HIGD1C: variants seen among roughly 807,000 people sequenced by gnomAD.
The protein encoded by HIGD1C is HIG1 domain family member 1C.
In HIGD1C, 11 loss-of-function variants were observed where a neutral mutation model predicts 13.1. That is an observed-to-expected ratio of 0.84 (90% confidence interval 0.53 to 1.39). The LOEUF (loss-of-function observed/expected upper bound fraction) is 1.39, where lower values mean the gene tolerates loss of function less well. Among genes scored for constraint, HIGD1C ranks in the 40% most tolerant of loss-of-function variants. The pLI is 0.00. For missense variants in HIGD1C, 110 were observed against 112.0 expected (o/e 0.98, Z 0.08); for synonymous variants, 36 against 37.7 (o/e 0.95, Z 0.17).
intron 1 of HIGD1C, 194 bp downstream of exon 3, chr12:50,954,286 T>C (rs1445915209): frequency 2.2e-6 from 1 of 457,922 alleles, no homozygotes; most frequent in Non-Finnish European, 3.8e-6. Flanking sequence ...TTAGCTGTTA[T>C]TTGAGGCATC....
At chr12:50,964,287 A>C (rs1342706057) in intron 2 of HIGD1C, among the ~76,000 whole-genome samples, 1 of 152,234 alleles carries the variant, frequency 6.6e-6, no homozygotes, top group Non-Finnish European at 1.5e-5. Context: ...TACACATTTC[A>C]TATCCCCTTT....
chr12:50,943,086 G>A, the HIGD1C span, among the ~76,000 whole-genome samples: 1 of 151,372 alleles, frequency 6.6e-6, no homozygotes, highest in Non-Finnish European at 1.5e-5. Flanking sequence ...GGCTGGTCTC[G>A]ATCTCCTGAC....
the HIGD1C span, among the ~76,000 whole-genome samples, chr12:50,936,559 G>T: frequency 6.6e-6 from 1 of 152,218 alleles, no homozygotes; most frequent in African/African-American, 2.4e-5. Flanking sequence ...TTCCCATGCA[G>T]TTTGCCTGAC....
Position 50,960,997 on chromosome 12 carries a change from TG to T in HIGD1C, c.125del (p.Cys42LeufsTer6). The T allele has an allele frequency of 6.2e-7, 1 of 1,604,352 alleles. No homozygotes were observed. The highest frequency in any genetic ancestry group is 8.5e-7 in the Non-Finnish European group (1 of 1,174,578). ...AGCAGGCTTTGTGACTGTGGTGTCCTGTGGTCTTTACAAGCTAAAGTACAGA... is the reference window on the plus strand; with the variant it reads ...AGCAGGCTTTGTGACTGTGGTGTCCTTGGTCTTTACAAGCTAAAGTACAGA... On this transcript the variant is annotated frameshift_variant, in exon 2 of 3. Coordinates refer to ENST00000398455, the Ensembl canonical transcript of HIGD1C. LOFTEE classifies it high-confidence loss of function.
chr12:50,950,689 T>C (rs1166553761), upstream of HIGD1C, among the ~76,000 whole-genome samples: 6 of 145,922 alleles, frequency 4.1e-5, no homozygotes, highest in Non-Finnish European at 9.0e-5. Context: ...TTTTTTTTTT[T>C]TTTTTGAGAT....
intron 1 of HIGD1C, among the ~76,000 whole-genome samples, chr12:50,958,768 G>C (rs535860317): frequency 6.6e-6 from 1 of 150,384 alleles, no homozygotes. Flanking sequence ...TGTAATCCCA[G>C]CACTTCAGGA....
chr12:50,954,109 A>G lies in HIGD1C; in HGVS notation c.94+17A>G. The G allele has an allele frequency of 6.9e-7, 1 of 1,451,282 alleles. No homozygotes were observed. Among genetic ancestry groups the G allele is most frequent in the Non-Finnish European group, 9.6e-7 (1 of 1,037,244 alleles). 89.9% of individuals were successfully genotyped at this position (1,451,282 alleles called of 1,614,324 possible). ...TCCCTATAGGTAAGTACAAGCCTTG[A>G]CTGGATGCAGAAAACTGTAATAACA... On this transcript the variant is annotated intron_variant, in intron 1 of 2. Transcript: ENST00000398455.
chr12:50,964,178 AT>A (rs1411299195), intron 2 of HIGD1C, among the ~76,000 whole-genome samples: 1 of 152,238 alleles, frequency 6.6e-6, no homozygotes, highest in Non-Finnish European at 1.5e-5. Flanking sequence ...ACATAAATGC[AT>A]TCATATCAAA....
At chr12:50,961,217 G>A in intron 2 of HIGD1C, 115 bp downstream of exon 4, 1 of 1,107,132 alleles carries the variant, frequency 9.0e-7, no homozygotes, top group African/African-American at 1.6e-5. Flanking sequence ...TGAGAGAGGG[G>A]TAGGAAAGAC....
At chr12:50,958,393 T>C (rs1939193451) in intron 1 of HIGD1C, among the ~76,000 whole-genome samples, 2 of 151,044 alleles carry the variant, frequency 1.3e-5, no homozygotes, top group African/African-American at 4.9e-5. Flanking sequence ...ACCATTCTCC[T>C]GTCTCAGCCT....
chr12:50,940,240 G>A, the HIGD1C span, among the ~76,000 whole-genome samples: 1 of 152,042 alleles, frequency 6.6e-6, no homozygotes, highest in African/African-American at 2.4e-5. Flanking sequence ...TCTAATCTTG[G>A]CTCCCATCTT....
At chr12:50,968,042 C>A (rs1354827770) in intron 2 of HIGD1C, among the ~76,000 whole-genome samples, 1 of 152,028 alleles carries the variant, frequency 6.6e-6, no homozygotes. Flanking sequence ...GCCTTGCTCA[C>A]GCCACTGCAC....
At chr12:50,962,123 C>A (rs1939352900) in intron 2 of HIGD1C, among the ~76,000 whole-genome samples, 1 of 152,166 alleles carries the variant, frequency 6.6e-6, no homozygotes, top group Non-Finnish European at 1.5e-5. Context: ...CAGTGGCTTG[C>A]ACCTGTGATC....
At chr12:50,966,587 T>C (rs776995386) in intron 2 of HIGD1C, among the ~76,000 whole-genome samples, 1 of 152,228 alleles carries the variant, frequency 6.6e-6, no homozygotes, top group Non-Finnish European at 1.5e-5. Context: ...AAACTGCCCC[T>C]GGTTGAGAAC....
the HIGD1C span, chr12:50,931,445 C>T: frequency 2.0e-5 from 3 of 151,076 alleles, no homozygotes; most frequent in African/African-American, 7.3e-5. Context: ...CGTGGTGGCT[C>T]ACGCCTGTAA....
chr12:50,971,473 T>G (rs1565964981), downstream of HIGD1C, among the ~76,000 whole-genome samples: 2 of 152,186 alleles, frequency 1.3e-5, no homozygotes, highest in South Asian at 4.1e-4. Flanking sequence ...AACACATTTC[T>G]TTTTCCTGAG....
chr12:50,935,015 C>T, the HIGD1C span: 4 of 152,190 alleles, frequency 2.6e-5, no homozygotes, highest in Admixed American at 2.6e-4. Flanking sequence ...ATAGTTCAAA[C>T]TTGAATAGAA....
At chr12:50,960,774 CT>C (rs1939294288) in intron 1 of HIGD1C, among the ~76,000 whole-genome samples, 193 bp from the exon 4 acceptor site, 1 of 152,086 alleles carries the variant, frequency 6.6e-6, no homozygotes, top group South Asian at 2.1e-4. Context: ...CCCTGAACTC[CT>C]AGGCTCAAGG....
chr12:50,966,389 T>C (rs1226078591), intron 2 of HIGD1C, among the ~76,000 whole-genome samples: 1 of 152,200 alleles, frequency 6.6e-6, no homozygotes, highest in Non-Finnish European at 1.5e-5. Context: ...TTTCTGAACC[T>C]CAGCACTACT....
Sources: allele counts gnomAD v4.1 joint callset (sites outside exome capture counted in the v4.1 genomes callset), GRCh38; gene constraint gnomAD v4.1.1; transcripts MANE v1.5; gene names NCBI Gene and HGNC (gene_info 2026-07-23, HGNC 2026-07-21).